Variants in DYNC2H1 observed in about 807,000 individuals in gnomAD.
DYNC2H1 encodes dynein cytoplasmic 2 heavy chain 1.
In DYNC2H1, 410 loss-of-function variants were observed where a neutral mutation model predicts 570.0. The observed-to-expected ratio is 0.72, with a 90% CI of 0.66 to 0.78. The LOEUF (loss-of-function observed/expected upper bound fraction) is 0.78, where lower values mean the gene tolerates loss of function less well. Ranked by LOEUF, DYNC2H1 falls within the 30% of genes least tolerant of loss-of-function variation. DYNC2H1 has a pLI of 0.00. For missense variants in DYNC2H1, 4,865 were observed against 5,046.4 expected (o/e 0.96, Z 1.09); for synonymous variants, 1,688 against 1,677.6 (o/e 1.01, Z -0.15).
At chr11:103,224,407 C>T (rs1362662267) in intron 59 of DYNC2H1, among the ~76,000 whole-genome samples, 1 of 24,624 alleles carries the variant, frequency 4.1e-5, no homozygotes, top group African/African-American at 1.7e-4. Flanking sequence ...TTGCCACCCC[C>T]TGCCCTTTCC....
intron 83 of DYNC2H1, among the ~76,000 whole-genome samples, chr11:103,372,104 G>T (rs1406413233): frequency 7.8e-6 from 1 of 128,620 alleles, no homozygotes; most frequent in Non-Finnish European, 1.6e-5. Context: ...GCAGTGGCAC[G>T]ATCTTGCTCA....
At chr11:103,350,321 G>A (rs909148003) in intron 82 of DYNC2H1, among the ~76,000 whole-genome samples, 1 of 136,906 alleles carries the variant, frequency 7.3e-6, no homozygotes, top group African/African-American at 3.0e-5. Context: ...ATTATAAATT[G>A]TTTTTTTCTG....
chr11:103,208,478 G>A (rs1039423586), intron 52 of DYNC2H1, among the ~76,000 whole-genome samples: 4 of 152,264 alleles, frequency 2.6e-5, no homozygotes, highest in African/African-American at 9.6e-5. Flanking sequence ...TGCAGGCCCA[G>A]TGGTTCAAGG....
chr11:103,387,467 T>C (rs1238106043), intron 83 of DYNC2H1, among the ~76,000 whole-genome samples: 5 of 152,214 alleles, frequency 3.3e-5, no homozygotes, highest in Admixed American at 2.6e-4. Context: ...TTCTCTCTGA[T>C]GGTAATTTCT....
At chr11:103,477,070 G>A (rs1254363626) in intron 88 of DYNC2H1, among the ~76,000 whole-genome samples, 2 of 152,000 alleles carry the variant, frequency 1.3e-5, no homozygotes, top group South Asian at 2.1e-4. Flanking sequence ...AGTGTCATTT[G>A]TCTTTCTATA....
chr11:103,199,366 G>A lies in DYNC2H1; in HGVS notation c.7978G>A (p.Gly2660Ser). ...TCTATTAGCAGGACGCAGTGGTGTAGGTCGTCGGACCATCACTTCTTTAGT... is the reference window on the plus strand; with the variant it reads ...TCTATTAGCAGGACGCAGTGGTGTAAGTCGTCGGACCATCACTTCTTTAGT... ...SLLLAGRSGV[G>S]RRTITSLVSH... is the part of the protein sequence containing the mutation. Residue 2660 changes from glycine to serine, a missense_variant, in exon 49 of 89, where the codon GGT becomes AGT. By Grantham distance (56) the Gly-to-Ser change is moderately conservative. Coordinates refer to ENST00000375735, the MANE Select transcript of DYNC2H1 (RefSeq NM_001377.3). The surrounding 1 kb of genome is among the most constrained non-coding windows in gnomAD (Gnocchi z 4.6). The A allele has an allele frequency of 6.2e-7, 1 of 1,612,572 alleles. No homozygotes were observed. Among genetic ancestry groups the A allele is most frequent in the Non-Finnish European group, 8.5e-7 (1 of 1,179,674 alleles).
rs974258987 is a variant in DYNC2H1 at position 103,264,405 on chromosome 11, A to T, written c.10695+4428A>T. On this transcript the variant is annotated intron_variant, in intron 70 of 88. Coordinates refer to ENST00000375735, the MANE Select transcript of DYNC2H1 (RefSeq NM_001377.3). This position sits in a 1 kb window ranked among gnomAD's most constrained non-coding sequence, Gnocchi z 4.8. ...CAACGTGGCAGAAACACAACAAAAA[A>T]AGAAAATTTCAGGCCAATATCGCTG... Among the ~76,000 whole-genome samples, 1 of 152,216 alleles carries T rather than the reference A, an allele frequency of 6.6e-6. No homozygotes were observed. Among genetic ancestry groups the T allele is most frequent in the Non-Finnish European group, 1.5e-5 (1 of 68,040 alleles).
At position 103,282,234 on chromosome 11, in the gene DYNC2H1, G is replaced by T; in HGVS notation, c.10812+5G>T. On this transcript the variant is annotated splice_donor_5th_base_variant and intron_variant, in intron 72 of 88. Transcript: ENST00000375735. The stretch of plus-strand genomic sequence containing the variant: ...GGAGACATGTTACGGAAAGCTGTAA[G>T]TTAAAATAACAAAATCTATTTTGCT... The T allele has an allele frequency of 6.2e-7, 1 of 1,607,050 alleles. No individual in the cohort carries two copies.
chr11:103,344,823 A>T (rs1939654591), intron 82 of DYNC2H1, among the ~76,000 whole-genome samples: 1 of 152,210 alleles, frequency 6.6e-6, no homozygotes, highest in Non-Finnish European at 1.5e-5. Flanking sequence ...TGAGTAATTA[A>T]AACATTACAA....
chr11:103,278,595 A>T (rs1050208576), intron 70 of DYNC2H1, among the ~76,000 whole-genome samples: 1 of 151,642 alleles, frequency 6.6e-6, no homozygotes, highest in Non-Finnish European at 1.5e-5. Flanking sequence ...ACGGAGTTTC[A>T]CTCTTGCTGC....
chr11:103,210,054 A>C (rs990998597), intron 53 of DYNC2H1, 94 bp downstream of exon 53: 1 of 1,280,246 alleles, frequency 7.8e-7, no homozygotes, highest in Admixed American at 4.0e-5. Context: ...TCATGATTAT[A>C]AATTTGAATA....
intron 87 of DYNC2H1, 42 bp downstream of exon 87, chr11:103,456,398 C>G: frequency 6.7e-7 from 1 of 1,483,666 alleles, no homozygotes; most frequent in Non-Finnish European, 9.2e-7. Flanking sequence ...AGCCTTATCA[C>G]CAACTGATAT....
intron 85 of DYNC2H1, among the ~76,000 whole-genome samples, chr11:103,438,300 G>A (rs1013240152): frequency 3.3e-5 from 5 of 151,968 alleles, no homozygotes; most frequent in African/African-American, 7.3e-5. Context: ...TCAAGGGCCC[G>A]ATAGATCCCT....
chr11:103,178,108 A>G (rs1861701146), intron 38 of DYNC2H1, among the ~76,000 whole-genome samples: 1 of 152,144 alleles, frequency 6.6e-6, no homozygotes, highest in Non-Finnish European at 1.5e-5. Context: ...TGCTGAGTTG[A>G]TATTATACTG....
In DYNC2H1 at chr11:103,358,280, C is replaced by G. The variant is rs1286227984; in HGVS notation, c.12077C>G (p.Thr4026Arg). 1.9e-6 allele frequency: 3 copies of G among 1,590,748 alleles called. No individual in the cohort carries two copies. Among genetic ancestry groups the G allele is most frequent in the African/African-American group, 2.7e-5 (2 of 74,552 alleles). Residue 4026 changes from threonine (T) to arginine (R), a missense_variant, in exon 83 of 89, where the codon ACA becomes AGA. Around this residue, in one of 5 missense-constraint regions of DYNC2H1, gnomAD observed 2,401 missense variants for 2,454.6 expected, o/e 0.98. Coordinates refer to ENST00000375735, the MANE Select transcript of DYNC2H1 (RefSeq NM_001377.3). ...SQLRILGRSITAGSKFDREIW... is the reference protein window; with the variant it reads ...SQLRILGRSIRAGSKFDREIW... ...TTGAGGATTTTGGGCAGATCCATAA[C>G]AGCTGGTTCCAAATTTGATAGAGAA...
At chr11:103,412,754 C>A (rs1376060046) in intron 84 of DYNC2H1, among the ~76,000 whole-genome samples, 1 of 152,032 alleles carries the variant, frequency 6.6e-6, no homozygotes, top group African/African-American at 2.4e-5. Flanking sequence ...GATCACTGAC[C>A]ACCTTAAAAA....
intron 69 of DYNC2H1, among the ~76,000 whole-genome samples, chr11:103,259,363 A>G (rs11820505): frequency 0.019 from 2,847 of 152,248 alleles, 83 homozygotes; most frequent in African/African-American, 0.063. Flanking sequence ...ATCTTGCAAA[A>G]CGGAATTATT....
chr11:103,427,147 A>G (rs1943702543), intron 84 of DYNC2H1, among the ~76,000 whole-genome samples: 1 of 152,174 alleles, frequency 6.6e-6, no homozygotes, highest in South Asian at 2.1e-4. Context: ...TTATAACCCC[A>G]ACATGCCTAC....
intron 1 of DYNC2H1, among the ~76,000 whole-genome samples, chr11:103,111,152 A>C (rs1858094520): frequency 6.6e-6 from 1 of 152,182 alleles, no homozygotes; most frequent in South Asian, 2.1e-4. Flanking sequence ...GGATGATTGA[A>C]TCATTCACCC....
Sources: gnomAD v4.1 joint callset for allele counts (sites outside exome capture counted in the v4.1 genomes callset) on GRCh38, gnomAD v4.1.1 for gene constraint, gnomAD v4.1.1 regional missense constraint, Gnocchi (gnomAD v3.1) non-coding constraint, MANE v1.5 for transcripts, NCBI Gene and HGNC (gene_info 2026-07-23, HGNC 2026-07-21) for gene names.